The following PTPN1 variants were observed in gnomAD, a reference collection of about 807,000 sequenced individuals.
PTPN1 encodes the protein tyrosine-protein phosphatase non-receptor type 1.
PTPN1 carries 12 observed loss-of-function variants against 59.9 expected under a neutral mutation model. That is an observed-to-expected ratio of 0.20 (90% CI 0.13 to 0.32). The LOEUF (loss-of-function observed/expected upper bound fraction) is 0.32, where lower values mean the gene tolerates loss of function less well. PTPN1 is among the 10% of genes least tolerant of loss of function. The pLI, the probability that PTPN1 is intolerant of heterozygous loss-of-function variation, is 1.00. For synonymous variants in PTPN1, 178 were observed against 203.6 expected (o/e 0.87, Z 1.07); for missense variants, 356 against 549.2 (o/e 0.65, Z 3.52).
chr20:50,554,994 C>T (rs1357653610), intron 1 of PTPN1, among the ~76,000 whole-genome samples: 3 of 152,008 alleles, frequency 2.0e-5, no homozygotes, highest in African/African-American at 7.3e-5. Flanking sequence ...TTCTAAATAC[C>T]TGAATTAAAG....
chr20:50,539,642 C>G (rs1356041461), intron 1 of PTPN1, among the ~76,000 whole-genome samples: 5 of 128,620 alleles, frequency 3.9e-5, no homozygotes, highest in Non-Finnish European at 3.2e-5. Flanking sequence ...CCCTCTTTCT[C>G]TCTTTTTTTT....
At chr20:50,531,966 T>C (rs2082603233) in intron 1 of PTPN1, among the ~76,000 whole-genome samples, 1 of 152,210 alleles carries the variant, frequency 6.6e-6, no homozygotes, top group South Asian at 2.1e-4. Flanking sequence ...ATGGTAGCCC[T>C]GTGGTTCTCC....
At chr20:50,513,176 C>T (rs1004173279) in intron 1 of PTPN1, among the ~76,000 whole-genome samples, 2 of 152,132 alleles carry the variant, frequency 1.3e-5, no homozygotes, top group African/African-American at 2.4e-5. Context: ...TGAGCATAAC[C>T]GTATTTTTAA....
intron 1 of PTPN1, among the ~76,000 whole-genome samples, chr20:50,520,098 A>G (rs2082544566): frequency 6.6e-6 from 1 of 152,150 alleles, no homozygotes. Flanking sequence ...CCGGCCGGGC[A>G]TGGTGGCTCA....
At position 50,568,307 on chromosome 20, in the gene PTPN1, C is replaced by T; in HGVS notation, c.256-73C>T. 7.2e-7 allele frequency: 1 copy of T among 1,379,846 alleles called. No individual in the cohort carries two copies. Among genetic ancestry groups the T allele is most frequent in the Non-Finnish European group, 1.0e-6 (1 of 968,296 alleles). 85.5% of individuals were successfully genotyped at this position (1,379,846 alleles called of 1,614,324 possible). On this transcript the variant is annotated intron_variant, in intron 3 of 9. Coordinates refer to ENST00000371621, the MANE Select transcript of PTPN1 (RefSeq NM_002827.4). This position sits in a 1 kb window ranked among gnomAD's most constrained non-coding sequence, Gnocchi z 5.6. ...GACTGAGGGCGCTGTCGTTAGCTGA[C>T]TGCAGAAGGTGAGCACACGCTGTAG... is the stretch of plus-strand genomic sequence containing the variant.
chr20:50,581,703 A>G (rs1247507565), intron 9 of PTPN1, among the ~76,000 whole-genome samples: 1 of 152,098 alleles, frequency 6.6e-6, no homozygotes, highest in Non-Finnish European at 1.5e-5. Flanking sequence ...GCCTTAACCT[A>G]TTCAGGAGTA....
Position 50,564,991 on chromosome 20 carries a change from A to G in PTPN1, c.177A>G (p.Leu59=). The G allele has an allele frequency of 6.2e-7, 1 of 1,613,140 alleles. No homozygotes were observed. The highest frequency in any genetic ancestry group is 8.5e-7 in the Non-Finnish European group (1 of 1,179,784). Residue 59 remains leucine, a synonymous_variant, in exon 3 of 10, where the codon CTA becomes CTG. Transcript: ENST00000371621. ...CAGTTGACCATAGTCGGATTAAACTACATCAAGAAGATAATGACTATATCA... is the reference window on the plus strand; with the variant it reads ...CAGTTGACCATAGTCGGATTAAACTGCATCAAGAAGATAATGACTATATCA... ...VSPFDHSRIK[L]HQEDNDYINA... is the part of the protein sequence containing the mutation.
In PTPN1 at chr20:50,519,255, G is replaced by A. The variant is rs1023682886; in HGVS notation, c.63+8665G>A. ...TGTTTTCATCCTTTGTGAGCTTGAA[G>A]TTTCTCCAAAAAATTTATCACAAAA... On this transcript the variant is annotated intron_variant, in intron 1 of 9. Coordinates refer to ENST00000371621, the MANE Select transcript of PTPN1 (RefSeq NM_002827.4). Among the ~76,000 whole-genome samples the A allele has an allele frequency of 5.9e-5, 9 of 152,238 alleles. No homozygotes were observed. In the South Asian group the frequency reaches 1.9e-3, roughly 32 times the overall value.
Position 50,582,404 on chromosome 20 carries a change from CAG to C in PTPN1, c.1285-285_1285-284del, listed in dbSNP as rs1410642267. Among the ~76,000 whole-genome samples, 2 of 152,244 alleles carry C rather than the reference CAG, an allele frequency of 1.3e-5. No homozygotes were observed. The highest frequency in any genetic ancestry group is 4.8e-5 in the African/African-American group (2 of 41,456). On this transcript the variant is annotated intron_variant, in intron 9 of 9. Coordinates refer to ENST00000371621, the MANE Select transcript of PTPN1 (RefSeq NM_002827.4). This position sits in a 1 kb window ranked among gnomAD's most constrained non-coding sequence, Gnocchi z 4.2. The stretch of plus-strand genomic sequence containing the variant: ...TAAGGGGAAGAGAGAGGACTAGCCT[CAG>C]AGCTCTGGCCATGGAAATGACCTCC...
chr20:50,530,811 A>G (rs1283521621), intron 1 of PTPN1, among the ~76,000 whole-genome samples: 1 of 151,614 alleles, frequency 6.6e-6, no homozygotes, highest in Non-Finnish European at 1.5e-5. Flanking sequence ...CTCCTGCCTC[A>G]GCCTCCCAAG....
At chr20:50,558,143 CTTT>C (rs201505191) in intron 1 of PTPN1, 1 of 151,276 alleles carries the variant, frequency 6.6e-6, no homozygotes, top group Non-Finnish European at 1.5e-5. Context: ...TGATAATTGC[CTTT>C]TTTTTTAATT....
rs1275530691 is a variant in PTPN1, at chr20:50,539,669, T to TA, written c.64-21691dup. 1.1e-4 allele frequency among the ~76,000 whole-genome samples: 12 copies of TA among 110,956 alleles called. No individual in the cohort carries two copies. The East Asian group carries it at 1.8e-3, about 17-fold the overall frequency. The allele number at this position is 110,956 out of a possible 152,430, so 72.8% of individuals were successfully genotyped here. A position where few individuals can be genotyped will look rare whatever the true frequency, so the allele number is the denominator to read the frequency against. On this transcript the variant is annotated intron_variant, in intron 1 of 9. Coordinates refer to ENST00000371621, the MANE Select transcript of PTPN1 (RefSeq NM_002827.4). ...CTTTTTTTTTTTTTTTTTTTTTTTT[T>TA]AAACAGACAGGATCTCACCCTGTTG...
At chr20:50,564,240 T>C (rs2082768327) in intron 2 of PTPN1, among the ~76,000 whole-genome samples, 1 of 152,158 alleles carries the variant, frequency 6.6e-6, no homozygotes, top group South Asian at 2.1e-4. Flanking sequence ...CTAGGTGGAA[T>C]TCATGGTGGG....
intron 1 of PTPN1, among the ~76,000 whole-genome samples, chr20:50,526,262 G>A (rs1029686937): frequency 6.6e-6 from 1 of 151,884 alleles, no homozygotes. Flanking sequence ...TTTTTTTGGT[G>A]GGGTACAGGG....
chr20:50,579,675 T>C, intron 7 of PTPN1, 28 bp from the exon 8 acceptor site: 6 of 1,588,240 alleles, frequency 3.8e-6, no homozygotes, highest in Non-Finnish European at 5.2e-6. Flanking sequence ...TGAACACTAA[T>C]AGGACTTCCT....
intron 3 of PTPN1, among the ~76,000 whole-genome samples, chr20:50,565,844 A>G (rs1027605258): frequency 6.6e-6 from 1 of 152,200 alleles, no homozygotes; most frequent in East Asian, 1.9e-4. Flanking sequence ...GATTTTGAAC[A>G]TTTGTAATTT....
intron 5 of PTPN1, among the ~76,000 whole-genome samples, chr20:50,575,908 C>G (rs2082834508): frequency 6.6e-6 from 1 of 152,082 alleles, no homozygotes; most frequent in Non-Finnish European, 1.5e-5. Context: ...GCCTGGGTGA[C>G]AGAGCAAGAC....
At position 50,578,557 on chromosome 20, in the gene PTPN1, C is replaced by G. The variant is rs745951097; in HGVS notation, c.630C>G (p.Pro210=). The G allele has an allele frequency of 1.2e-6, 2 of 1,614,234 alleles. No homozygotes were observed. Among genetic ancestry groups the G allele is most frequent in the Non-Finnish European group, 1.7e-6 (2 of 1,180,052 alleles). Residue 210 remains proline (P), a synonymous_variant, in exon 6 of 10, where the codon CCC becomes CCG. Transcript: ENST00000371621. The stretch of plus-strand genomic sequence containing the variant: ...GGTCACTCAGCCCGGAGCACGGGCC[C>G]GTTGTGGTGCACTGCAGTGCAGGCA... ...ESGSLSPEHG[P]VVVHCSAGIG...
At chr20:50,576,343 T>G (rs528333466) in intron 5 of PTPN1, among the ~76,000 whole-genome samples, 187 of 152,260 alleles carry the variant, frequency 1.2e-3, no homozygotes, top group African/African-American at 4.3e-3. Context: ...CTTGGCAGAG[T>G]GAATACAGCC....
Sources: allele counts gnomAD v4.1 joint callset (sites outside exome capture counted in the v4.1 genomes callset), GRCh38; gene constraint gnomAD v4.1.1; non-coding constraint Gnocchi (gnomAD v3.1); transcripts MANE v1.5; gene names NCBI Gene and HGNC (gene_info 2026-07-23, HGNC 2026-07-21).